The following SYNE2 variants were observed in gnomAD, a reference collection of about 807,000 sequenced individuals.
SYNE2 encodes the protein nesprin-2.
Under a neutral mutation model 856.3 loss-of-function variants are expected in SYNE2, and 431 were observed. The observed-to-expected ratio is 0.50, with a 90% CI of 0.47 to 0.55. The LOEUF (loss-of-function observed/expected upper bound fraction) is 0.55, where lower values mean the gene tolerates loss of function less well. Among genes scored for constraint, SYNE2 ranks in the 20% least tolerant of loss-of-function variants. The probability of loss-of-function intolerance (pLI) is 0.00; values close to 1 mark genes in which losing one functional copy is unlikely to be tolerated. For synonymous variants in SYNE2, 2,923 were observed against 2,872.3 expected (o/e 1.02, Z -0.56); for missense variants, 8,129 against 8,023.2 (o/e 1.01, Z -0.50).
intron 8 of SYNE2, chr14:63,956,438 A>T (rs1177004090): frequency 4.4e-6 from 2 of 456,646 alleles, no homozygotes; most frequent in Admixed American, 4.7e-5. Context: ...AGCTTACAAA[A>T]ACTTCTGAAC....
At position 63,859,967 on chromosome 14, in the gene SYNE2, C is replaced by CCCTT. The variant is rs1449054291; in HGVS notation, c.-52+6827_-52+6828insTCCT. ...TCCTTCCCTCCCTCCCTCCCTCCCT[C>CCCTT]CCTCCCTTCCTCCCTTCCTTCCTTC... On this transcript the variant is annotated intron_variant, in intron 1 of 115. Coordinates refer to ENST00000555002, the MANE Select transcript of SYNE2 (RefSeq NM_182914.3). Among the ~76,000 whole-genome samples the CCCTT allele has an allele frequency of 7.3e-5, 9 of 123,524 alleles. No homozygotes were observed. The South Asian group carries it at 9.2e-4, about 13-fold the overall frequency. The allele number at this position is 123,524 out of a possible 152,430, so 81.0% of individuals were successfully genotyped here. A position where few individuals can be genotyped will look rare whatever the true frequency, so the allele number is the denominator to read the frequency against.
In SYNE2 at chr14:64,027,516, A is replaced by C; in HGVS notation, c.6437A>C (p.Lys2146Thr). 1 of 1,602,284 alleles carries C rather than the reference A, an allele frequency of 6.2e-7. No homozygotes were observed. Among genetic ancestry groups the C allele is most frequent in the Non-Finnish European group, 8.5e-7 (1 of 1,175,694 alleles). ...HQEKLLLEGE[K>T]YLQSKEDLRL... is the part of the protein sequence containing the mutation. ...GAAAAGCTTCTACTAGAAGGAGAGA[A>C]ATATTTACAAAGTAAGGAGGATCTG... Residue 2146 changes from lysine (K) to threonine (T), a missense_variant, in exon 43 of 116, where the codon AAA (lysine) becomes ACA (threonine). Lys to Thr is a moderately conservative substitution (Grantham distance 78). Transcript: ENST00000555002.
At chr14:63,977,388 A>G (rs1394808345) in intron 12 of SYNE2, among the ~76,000 whole-genome samples, 1 of 151,852 alleles carries the variant, frequency 6.6e-6, no homozygotes, top group East Asian at 1.9e-4. Flanking sequence ...AATTTTTTGT[A>G]TTTTTAGTAG....
chr14:63,902,136 C>T (rs1279370135), intron 1 of SYNE2, among the ~76,000 whole-genome samples: 1 of 151,996 alleles, frequency 6.6e-6, no homozygotes, highest in Admixed American at 6.6e-5. Flanking sequence ...TAAGGTCAGG[C>T]GTGGTGGCTC....
At chr14:63,823,988 C>T (rs191876026) in intron 1 of SYNE2, among the ~76,000 whole-genome samples, 4 of 152,248 alleles carry the variant, frequency 2.6e-5, no homozygotes, top group Non-Finnish European at 4.4e-5. Flanking sequence ...ATAAGACCTA[C>T]TATTTGCTAG....
chr14:63,997,130 C>T lies in SYNE2; in HGVS notation c.3124C>T (p.Pro1042Ser). 2.5e-6 allele frequency: 4 copies of T among 1,614,050 alleles called. No homozygotes were observed. The highest frequency in any genetic ancestry group is 1.1e-5 in the South Asian group (1 of 91,076). The change falls in exon 24 of 116, where the codon CCC (proline) becomes TCC (serine). Residue 1042 changes from proline to serine, a missense_variant. Pro to Ser is a moderately conservative substitution (Grantham distance 74, BLOSUM62 -1). Around this residue, in one of 3 missense-constraint regions of SYNE2, gnomAD observed 2,422 missense variants for 2,357.4 expected, o/e 1.03. Coordinates refer to ENST00000555002, the MANE Select transcript of SYNE2 (RefSeq NM_182914.3). ...CASEIHMTLQ[P>S]TAGGTSKNEG... The stretch of plus-strand genomic sequence containing the variant: ...TTCCGAGATTCATATGACACTGCAG[C>T]CCACAGCGGGAGGCACGTCGAAAAA...
chr14:63,956,329 A>G, intron 8 of SYNE2: 1 of 446,862 alleles, frequency 2.2e-6, no homozygotes, highest in Non-Finnish European at 4.5e-6. Context: ...GTAATACAGT[A>G]ATTGGGAAGT....
chr14:64,003,265 A>G lies in SYNE2; in HGVS notation c.4332A>G (p.Gln1444=), dbSNP rs753910622. 5 of 1,613,970 alleles carry G rather than the reference A, an allele frequency of 3.1e-6. No individual in the cohort carries two copies. The East Asian group carries it at 1.1e-4, about 36-fold the overall frequency. Residue 1444 remains glutamine (Q), a synonymous_variant, in exon 30 of 116, where the codon CAA becomes CAG. Coordinates refer to ENST00000555002, the MANE Select transcript of SYNE2 (RefSeq NM_182914.3). ...ATAATGAACTCCTTAAAAATATTCAAGATGTGCAGAGTCAAATCAGTAAAA... is the reference window on the plus strand; with the variant it reads ...ATAATGAACTCCTTAAAAATATTCAGGATGTGCAGAGTCAAATCAGTAAAA... The part of the protein sequence containing the change: ...FKNNELLKNI[Q]DVQSQISKIG...
chr14:64,106,172 T>C (rs2097770495), intron 64 of SYNE2, among the ~76,000 whole-genome samples: 2 of 138,230 alleles, frequency 1.4e-5, no homozygotes, highest in Non-Finnish European at 3.1e-5. Flanking sequence ...TTTTTGATAT[T>C]GTCAGTCTTA....
intron 70 of SYNE2, 157 bp downstream of exon 70, chr14:64,122,584 G>GA: frequency 1.1e-6 from 1 of 932,104 alleles, no homozygotes; most frequent in Non-Finnish European, 1.7e-6. Flanking sequence ...CCTGCATTAG[G>GA]AACCCTTCCT....
chr14:63,893,911 A>G (rs931812162), intron 1 of SYNE2, among the ~76,000 whole-genome samples: 1 of 152,200 alleles, frequency 6.6e-6, no homozygotes, highest in African/African-American at 2.4e-5. Flanking sequence ...GAGCTAGGCG[A>G]TGGGAGTCAA....
chr14:64,200,505 G>T (rs2098557278), intron 99 of SYNE2, among the ~76,000 whole-genome samples: 1 of 152,170 alleles, frequency 6.6e-6, no homozygotes. Context: ...TGGAACCAGG[G>T]CAATCAAGGT....
At chr14:63,769,078 C>T (rs1363539835) in intron 1 of SYNE2, among the ~76,000 whole-genome samples, 1 of 151,924 alleles carries the variant, frequency 6.6e-6, no homozygotes, top group African/African-American at 2.4e-5. Flanking sequence ...AGTTTGAGAC[C>T]AGCCTGGGCA....
chr14:63,984,959 C>T (rs2096613610), intron 18 of SYNE2, among the ~76,000 whole-genome samples: 1 of 151,920 alleles, frequency 6.6e-6, no homozygotes, highest in South Asian at 2.1e-4. Flanking sequence ...AGTTCGAGAC[C>T]AACCTGGGCA....
chr14:63,992,173 G>T (rs1451835911), intron 21 of SYNE2, among the ~76,000 whole-genome samples: 1 of 151,612 alleles, frequency 6.6e-6, no homozygotes, highest in African/African-American at 2.4e-5. Flanking sequence ...AAGAATGAAT[G>T]CTTGTTTTAA....
At chr14:64,187,567 T>G (rs1244583739) in intron 97 of SYNE2, among the ~76,000 whole-genome samples, 10 of 152,160 alleles carry the variant, frequency 6.6e-5, no homozygotes, top group Non-Finnish European at 2.9e-5. Context: ...AACACTTGTT[T>G]TTCTAGGATA....
At chr14:64,014,870 A>G (rs1350588577) in intron 32 of SYNE2, among the ~76,000 whole-genome samples, 1 of 146,784 alleles carries the variant, frequency 6.8e-6, no homozygotes, top group Non-Finnish European at 1.5e-5. Flanking sequence ...TGATTTTTGG[A>G]TGTTAAACTA....
chr14:63,911,661 C>T (rs972965789), intron 2 of SYNE2, among the ~76,000 whole-genome samples: 1 of 152,196 alleles, frequency 6.6e-6, no homozygotes, highest in Non-Finnish European at 1.5e-5. Context: ...ACCATACCCT[C>T]TTTGTTACAC....
intron 96 of SYNE2, 108 bp from the exon 97 acceptor site, chr14:64,186,316 C>A (rs2098490446): frequency 2.1e-6 from 3 of 1,455,028 alleles, no homozygotes; most frequent in Admixed American, 1.7e-5. Flanking sequence ...CTCCCTCTCT[C>A]CTGGCCTCCC....
Sources: gnomAD v4.1 joint callset for allele counts (sites outside exome capture counted in the v4.1 genomes callset) on GRCh38, gnomAD v4.1.1 for gene constraint, gnomAD v4.1.1 regional missense constraint, MANE v1.5 for transcripts, NCBI Gene and HGNC (gene_info 2026-07-23, HGNC 2026-07-21) for gene names.